Variants in RXFP1 observed in about 807,000 individuals in gnomAD.
RXFP1 encodes relaxin receptor 1.
A neutral mutation model predicts 89.8 loss-of-function variants in RXFP1; 73 were observed. The observed-to-expected ratio is 0.81, with a 90% CI of 0.67 to 0.99. The LOEUF (loss-of-function observed/expected upper bound fraction) is 0.99, where lower values mean the gene tolerates loss of function less well. RXFP1 is among the 50% of genes least tolerant of loss of function. The pLI is 0.00. For missense variants in RXFP1, 793 were observed against 895.5 expected, an observed-to-expected ratio of 0.89 and a Z score of 1.46; for synonymous variants, 277 against 305.5, an observed-to-expected ratio of 0.91 and a Z score of 0.97.
chr4:158,527,669 CA>C (rs1742937768), intron 1 of RXFP1, among the ~76,000 whole-genome samples: 1 of 150,886 alleles, frequency 6.6e-6, no homozygotes, highest in South Asian at 2.1e-4. Context: ...TTCCACTTCC[CA>C]CAGTCTGATC....
At chr4:158,549,146 G>C (rs12520826) in intron 1 of RXFP1, among the ~76,000 whole-genome samples, 2 of 151,426 alleles carry the variant, frequency 1.3e-5, no homozygotes, top group Non-Finnish European at 2.9e-5. Context: ...GGCTTTGTTC[G>C]TTTCTTTTTA....
intron 9 of RXFP1, among the ~76,000 whole-genome samples, chr4:158,626,177 T>A (rs1473597790): frequency 4.0e-5 from 6 of 149,270 alleles, no homozygotes; most frequent in African/African-American, 1.5e-4. Flanking sequence ...GATAGATAGA[T>A]GTAGAGATAG....
chr4:158,587,585 C>T (rs1002692897), intron 2 of RXFP1, among the ~76,000 whole-genome samples: 2 of 152,118 alleles, frequency 1.3e-5, no homozygotes. Flanking sequence ...TGATGTCCCA[C>T]AAAAGGTGAA....
upstream of RXFP1, chr4:158,521,839 T>C (rs1194892185): frequency 7.5e-6 from 4 of 530,366 alleles, no homozygotes; most frequent in Middle Eastern, 1.1e-3. Flanking sequence ...GAAATGGGAG[T>C]GGAAGGAGGG....
chr4:158,580,803 T>C (rs1214427575), intron 2 of RXFP1, among the ~76,000 whole-genome samples: 1 of 152,196 alleles, frequency 6.6e-6, no homozygotes, highest in Non-Finnish European at 1.5e-5. Flanking sequence ...CTACTTTTTT[T>C]ATTATTATTT....
chr4:158,541,263 G>A (rs1746537481), intron 1 of RXFP1, among the ~76,000 whole-genome samples: 1 of 151,522 alleles, frequency 6.6e-6, no homozygotes, highest in Non-Finnish European at 1.5e-5. Context: ...AAATACACAG[G>A]AGAAGTGGAA....
At chr4:158,579,942 G>T (rs1220917333) in intron 2 of RXFP1, among the ~76,000 whole-genome samples, 1 of 152,146 alleles carries the variant, frequency 6.6e-6, no homozygotes, top group East Asian at 1.9e-4. Context: ...CACCAGGGAG[G>T]CTCAGAAACA....
chr4:158,612,328 C>G lies in RXFP1; in HGVS notation c.646C>G (p.Pro216Ala), dbSNP rs375347832. 140 of 1,612,108 alleles carry G rather than the reference C, an allele frequency of 8.7e-5. 3 individuals carry two copies. The South Asian group carries it at 1.4e-3, about 17-fold the overall frequency. The change falls in exon 8 of 18, where the codon CCA becomes GCA. Residue 216 changes from proline (P) to alanine (A), a missense_variant. Coordinates refer to ENST00000307765, the MANE Select transcript of RXFP1 (RefSeq NM_021634.4). ...TAATCACCTCAGTCGAATTTCCCCA[C>G]CAACATTTTATGGACTAAATTCTCT... is the stretch of plus-strand genomic sequence containing the variant. ...EDNHLSRISP[P>A]TFYGLNSLIL... is the part of the protein sequence containing the mutation.
chr4:158,607,066 G>T, intron 5 of RXFP1: 1 of 1,535,786 alleles, frequency 6.5e-7, no homozygotes, highest in Non-Finnish European at 8.7e-7. Context: ...AAAGAACAAT[G>T]GTGACCTGCA....
At chr4:158,562,841 A>T (rs1422500115) in intron 1 of RXFP1, among the ~76,000 whole-genome samples, 1 of 143,034 alleles carries the variant, frequency 7.0e-6, no homozygotes, top group Non-Finnish European at 1.5e-5. Flanking sequence ...AATTAAACCA[A>T]CAAGAGGCTG....
intron 1 of RXFP1, among the ~76,000 whole-genome samples, chr4:158,540,183 A>C (rs1746263372): frequency 6.6e-6 from 1 of 152,160 alleles, no homozygotes; most frequent in African/African-American, 2.4e-5. Flanking sequence ...TTAAGAAAGC[A>C]AAGGAAGAAA....
chr4:158,649,244 T>C (rs1772155267), intron 17 of RXFP1, among the ~76,000 whole-genome samples: 1 of 152,182 alleles, frequency 6.6e-6, no homozygotes, highest in South Asian at 2.1e-4. Context: ...AAAGAAGCAA[T>C]GAGTGACCAA....
At chr4:158,645,833 C>T (rs1374708007) in intron 15 of RXFP1, among the ~76,000 whole-genome samples, 2 of 152,050 alleles carry the variant, frequency 1.3e-5, no homozygotes, top group Non-Finnish European at 2.9e-5. Flanking sequence ...ATGTGCTGTC[C>T]CCATCCTTAT....
chr4:158,530,053 G>A (rs1235856348), intron 1 of RXFP1, among the ~76,000 whole-genome samples: 1 of 152,060 alleles, frequency 6.6e-6, no homozygotes, highest in Non-Finnish European at 1.5e-5. Context: ...CATAATACAA[G>A]CAAGTTATGA....
chr4:158,603,909 A>G (rs1057063189), intron 4 of RXFP1, among the ~76,000 whole-genome samples: 17 of 148,066 alleles, frequency 1.1e-4, no homozygotes, highest in African/African-American at 3.9e-4. Flanking sequence ...AATAATAATA[A>G]TAATAATAAT....
intron 1 of RXFP1, among the ~76,000 whole-genome samples, chr4:158,549,693 G>A (rs1012286991): frequency 1.6e-4 from 25 of 152,236 alleles, no homozygotes; most frequent in Non-Finnish European, 3.2e-4. Context: ...CTGCAGGTCT[G>A]TTGGAGTTTG....
At chr4:158,610,335 A>G (rs1763346868) in intron 6 of RXFP1, among the ~76,000 whole-genome samples, 1 of 152,176 alleles carries the variant, frequency 6.6e-6, no homozygotes, top group Non-Finnish European at 1.5e-5. Context: ...ATCCATAAGT[A>G]TTCATTAACC....
At chr4:158,572,975 T>G in intron 2 of RXFP1, 140 bp downstream of exon 2, 1 of 1,232,180 alleles carries the variant, frequency 8.1e-7, no homozygotes, top group Non-Finnish European at 1.1e-6. Context: ...CTTACACTTA[T>G]TTCAGTAGCT....
chr4:158,568,096 C>T (rs943861506), intron 1 of RXFP1, among the ~76,000 whole-genome samples: 3 of 152,170 alleles, frequency 2.0e-5, no homozygotes, highest in Non-Finnish European at 2.9e-5. Flanking sequence ...CTGTAATACT[C>T]ACCACAAAGG....
Sources: gnomAD v4.1 joint callset for allele counts (sites outside exome capture counted in the v4.1 genomes callset) on GRCh38, gnomAD v4.1.1 for gene constraint, MANE v1.5 for transcripts, NCBI Gene and HGNC (gene_info 2026-07-23, HGNC 2026-07-21) for gene names.